CARD10: variants seen among roughly 807,000 people sequenced by gnomAD.
CARD10 encodes caspase recruitment domain-containing protein 10.
CARD10 carries 49 observed loss-of-function variants against 114.6 expected under a neutral mutation model. That is an observed-to-expected ratio of 0.43 (90% CI 0.34 to 0.54). The LOEUF is 0.54. CARD10 is among the 20% of genes least tolerant of loss of function. The pLI is 0.03. For synonymous variants in CARD10, 602 were observed against 593.2 expected, an observed-to-expected ratio of 1.01 and a Z score of -0.21; for missense variants, 1,206 against 1,397.2, an observed-to-expected ratio of 0.86 and a Z score of 2.18.
At position 37,501,958 on chromosome 22, in the gene CARD10, C is replaced by T. The variant is rs897620238; in HGVS notation, c.1787+644G>A. On this transcript the variant is annotated intron_variant, in intron 11 of 19. Coordinates refer to ENST00000251973, the MANE Select transcript of CARD10 (RefSeq NM_014550.4). The surrounding 1 kb of genome is among the most constrained non-coding windows in gnomAD (Gnocchi z 5.4). Reference sequence around the variant, plus strand: ...GGATGCTCTCCCTACCTGCCCTCTCCTCACAGCTGAGTTCCAAGACCACAA... The same window carrying T: ...GGATGCTCTCCCTACCTGCCCTCTCTTCACAGCTGAGTTCCAAGACCACAA... Among the ~76,000 whole-genome samples, 1 of 152,254 alleles carries T rather than the reference C, an allele frequency of 6.6e-6. No homozygotes were observed. Among genetic ancestry groups the T allele is most frequent in the African/African-American group, 2.4e-5 (1 of 41,464 alleles).
At chr22:37,514,033 G>A (rs970573667) in intron 3 of CARD10, among the ~76,000 whole-genome samples, 7 of 151,158 alleles carry the variant, frequency 4.6e-5, no homozygotes, top group Admixed American at 6.6e-5. Flanking sequence ...GAACGTGGGA[G>A]GCAGAGGTTG....
chr22:37,511,425 G>A (rs1186500139), intron 3 of CARD10, among the ~76,000 whole-genome samples: 4 of 121,842 alleles, frequency 3.3e-5, no homozygotes, highest in East Asian at 2.3e-4. Flanking sequence ...GGAGGAGGGA[G>A]GGGGAAGAGG....
intron 15 of CARD10, 69 bp from the exon 16 acceptor site, chr22:37,494,257 G>A (rs1922912071): frequency 2.0e-5 from 22 of 1,097,982 alleles, no homozygotes; most frequent in South Asian, 2.9e-5. Flanking sequence ...AGGAGGAAAC[G>A]GGACCCCTGG....
intron 3 of CARD10, among the ~76,000 whole-genome samples, chr22:37,511,460 AAGG>A (rs1319832289): frequency 7.5e-6 from 1 of 133,964 alleles, no homozygotes; most frequent in Non-Finnish European, 1.6e-5. Flanking sequence ...GGAGGAGGAG[AAGG>A]AGAAGGAGGA....
At position 37,495,522 on chromosome 22, in the gene CARD10, T is replaced by C. The variant is rs1451759048; in HGVS notation, c.2368A>G (p.Ser790Gly). Residue 790 changes from serine to glycine, a missense_variant, in exon 15 of 20, where the codon AGT becomes GGT. Physicochemically the swap from Ser to Gly is moderately conservative, Grantham distance 56. This residue lies in a region of CARD10 where 1,068 missense variants were observed against 1,179.1 expected (regional missense o/e 0.91). Transcript: ENST00000251973. ...LPSSRHRGPR[S>G]NLKKRALDQL... ...ACCTGCCCAGCCGTGCTCACATTAC[T>C]GCGGGGGCCTCGGTGCCGGCTGGAG... The C allele has an allele frequency of 6.2e-7, 1 of 1,611,144 alleles. No individual in the cohort carries two copies. The highest frequency in any genetic ancestry group is 1.7e-5 in the Admixed American group (1 of 59,612).
chr22:37,491,565 C>G (rs1009794136), intron 19 of CARD10, among the ~76,000 whole-genome samples, 172 bp from the exon 20 acceptor site: 22 of 1,236 alleles, frequency 0.018, no homozygotes, highest in African/African-American at 0.032. Context: ...GAGGGAGAGA[C>G]GGGGGAGGGA....
At chr22:37,497,208 G>C in intron 11 of CARD10, 30 bp from the exon 12 acceptor site, 1 of 1,595,264 alleles carries the variant, frequency 6.3e-7, no homozygotes, top group Non-Finnish European at 8.5e-7. Flanking sequence ...ATGAGAATTG[G>C]AGTCCAATCA....
At chr22:37,503,096 G>A in intron 10 of CARD10, 89 bp downstream of exon 10, 3 of 1,388,296 alleles carry the variant, frequency 2.2e-6, no homozygotes, top group African/African-American at 1.4e-5. Context: ...CAGGCCAAAG[G>A]TAGCGCAGGT....
chr22:37,494,197 G>T lies in CARD10; in HGVS notation c.2374-9C>A, dbSNP rs1032548999. ...AGGGCTCTCTTCTTCAGCTGGGAGG[G>T]TGCAGGGACAGAGGAGCATCTGAGA... On this transcript the variant is annotated splice_polypyrimidine_tract_variant and intron_variant, in intron 15 of 19. Coordinates refer to ENST00000251973, the MANE Select transcript of CARD10 (RefSeq NM_014550.4). 6.5e-7 allele frequency: 1 copy of T among 1,542,980 alleles called. No individual in the cohort carries two copies.
At position 37,496,077 on chromosome 22, in the gene CARD10, GGGCCAAAGACAT is replaced by G; in HGVS notation, c.2060-86_2060-75del. The G allele has an allele frequency of 6.4e-7, 1 of 1,572,474 alleles. No homozygotes were observed. The highest frequency in any genetic ancestry group is 8.6e-7 in the Non-Finnish European group (1 of 1,156,296). ...GTGAGGTCCAGGATCGGCCTTGGTG[GGGCCAAAGACAT>G]GGCCCTCTCGAGGCCTGAGTTCCCA... On this transcript the variant is annotated intron_variant, in intron 13 of 19. Transcript: ENST00000251973. The surrounding 1 kb of genome is among the most constrained non-coding windows in gnomAD (Gnocchi z 4.1).
chr22:37,508,911 A>G, intron 4 of CARD10: 1 of 1,391,790 alleles, frequency 7.2e-7, no homozygotes, highest in South Asian at 1.3e-5. Flanking sequence ...CAAGTAAGCT[A>G]ATAAGCTAAG....
In CARD10 at chr22:37,492,942, C is replaced by G; in HGVS notation, c.2477-140G>C. On this transcript the variant is annotated intron_variant, in intron 16 of 19. Coordinates refer to ENST00000251973, the MANE Select transcript of CARD10 (RefSeq NM_014550.4). The surrounding 1 kb of genome is among the most constrained non-coding windows in gnomAD (Gnocchi z 5.7). ...CCTCCTACACATGCACACACACACA[C>G]CCTTAGTAGGACCGACGGTGGCAGT... The G allele has an allele frequency of 1.2e-6, 1 of 848,890 alleles. No homozygotes were observed. Among genetic ancestry groups the G allele is most frequent in the Non-Finnish European group, 1.8e-6 (1 of 558,368 alleles). The allele number at this position is 848,890 out of a possible 1,614,324, so 52.6% of individuals were successfully genotyped here. A position where few individuals can be genotyped will look rare whatever the true frequency, so the allele number is the denominator to read the frequency against.
At chr22:37,513,335 C>G (rs955127870) in intron 3 of CARD10, among the ~76,000 whole-genome samples, 2 of 152,140 alleles carry the variant, frequency 1.3e-5, no homozygotes, top group Non-Finnish European at 2.9e-5. Flanking sequence ...TGGTCTCAAT[C>G]TTCTGACCTC....
In CARD10 at chr22:37,502,647, G is replaced by A. The variant is rs138265369; in HGVS notation, c.1742C>T (p.Pro581Leu). ...ACAGCCCCGAGCCAGGAGGCCTTCC[G>A]GCTTTCCCAAAGGCCACACGCTGTC... Reference protein sequence around the residue: ...SSDSVWPLGKPEGLLARGCGL... With the variant: ...SSDSVWPLGKLEGLLARGCGL... The change falls in exon 11 of 20, where the codon CCG becomes CTG. Residue 581 changes from proline to leucine, a missense_variant. Coordinates refer to ENST00000251973, the MANE Select transcript of CARD10 (RefSeq NM_014550.4). 27 of 1,613,982 alleles carry A rather than the reference G, an allele frequency of 1.7e-5. No homozygotes were observed. Among genetic ancestry groups the A allele is most frequent in the South Asian group, 7.7e-5 (7 of 91,080 alleles).
At position 37,507,834 on chromosome 22, in the gene CARD10, C is replaced by T; in HGVS notation, c.1186G>A (p.Asp396Asn). 6.2e-7 allele frequency: 1 copy of T among 1,614,168 alleles called. No homozygotes were observed. Among genetic ancestry groups the T allele is most frequent in the African/African-American group, 1.3e-5 (1 of 75,058 alleles). The part of the protein sequence containing the change: ...AQLEEIEKER[D>N]QAIQSRDRIQ... ...TACACGCAGGCTGGGCTCACCTGGT[C>T]TCGCTCCTTCTCAATCTCCTCCAGT... Residue 396 changes from aspartate to asparagine, a missense_variant, in exon 6 of 20, where the codon GAC becomes AAC. Physicochemically the swap from Asp to Asn is conservative, Grantham distance 23. Around this residue, in one of 2 missense-constraint regions of CARD10, gnomAD observed 1,068 missense variants for 1,179.1 expected, o/e 0.91. Transcript: ENST00000251973.
chr22:37,518,311 T>A (rs979978305), intron 1 of CARD10, among the ~76,000 whole-genome samples: 1 of 152,136 alleles, frequency 6.6e-6, no homozygotes, highest in Non-Finnish European at 1.5e-5. Flanking sequence ...TCATGACTCC[T>A]GGGCTCCCAG....
Position 37,519,250 on chromosome 22 carries a change from G to T in CARD10, c.-50C>A. 2 of 1,445,784 alleles carry T rather than the reference G, an allele frequency of 1.4e-6. No individual in the cohort carries two copies. Among genetic ancestry groups the T allele is most frequent in the South Asian group, 2.8e-5 (2 of 71,250 alleles). The allele number at this position is 1,445,784 out of a possible 1,614,324, so 89.6% of individuals were successfully genotyped here. ...CAAGAGGCGCACGGGGGTCGACCAG[G>T]GCTCCCTAGGGCTAGATGTGCGGCC... On this transcript the variant is annotated 5_prime_UTR_variant, in exon 1 of 20. Coordinates refer to ENST00000251973, the MANE Select transcript of CARD10 (RefSeq NM_014550.4). The surrounding 1 kb of genome is among the most constrained non-coding windows in gnomAD (Gnocchi z 4.1).
intron 3 of CARD10, among the ~76,000 whole-genome samples, chr22:37,514,036 A>G (rs1438541369): frequency 5.3e-5 from 8 of 151,458 alleles, no homozygotes; most frequent in Non-Finnish European, 1.0e-4. Flanking sequence ...CGTGGGAGGC[A>G]GAGGTTGCAG....
chr22:37,501,984 T>C lies in CARD10; in HGVS notation c.1787+618A>G, dbSNP rs939795764. Among the ~76,000 whole-genome samples, 1 of 152,180 alleles carries C rather than the reference T, an allele frequency of 6.6e-6. No individual in the cohort carries two copies. Among genetic ancestry groups the C allele is most frequent in the Non-Finnish European group, 1.5e-5 (1 of 68,034 alleles). ...TCACAGCTGAGTTCCAAGACCACAA[T>C]GGCCGTGCAGCCCCCGCTCTGCCCC... On this transcript the variant is annotated intron_variant, in intron 11 of 19. Coordinates refer to ENST00000251973, the MANE Select transcript of CARD10 (RefSeq NM_014550.4). This position sits in a 1 kb window ranked among gnomAD's most constrained non-coding sequence, Gnocchi z 5.4.
Sources: gnomAD v4.1 joint callset for allele counts (sites outside exome capture counted in the v4.1 genomes callset) on GRCh38, gnomAD v4.1.1 for gene constraint, gnomAD v4.1.1 regional missense constraint, Gnocchi (gnomAD v3.1) non-coding constraint, MANE v1.5 for transcripts, NCBI Gene and HGNC (gene_info 2026-07-23, HGNC 2026-07-21) for gene names.